Variants in REEP1 observed in about 807,000 individuals in gnomAD.
REEP1 encodes the protein receptor expression-enhancing protein 1.
REEP1 carries 22 observed loss-of-function variants against 40.3 expected under a neutral mutation model. That is an observed-to-expected ratio of 0.55 (90% CI 0.39 to 0.78). REEP1 has a LOEUF of 0.78. Among genes scored for constraint, REEP1 ranks in the 30% least tolerant of loss-of-function variants. REEP1 has a pLI of 0.00. For missense variants in REEP1, 280 were observed against 361.1 expected, an observed-to-expected ratio of 0.78 and a Z score of 1.82; for synonymous variants, 116 against 139.2, an observed-to-expected ratio of 0.83 and a Z score of 1.17.
rs780164134 is a variant in REEP1, at chr2:86,217,018, G to A, written c.*21C>T. ...CAGAGAAGAAACATTCTGTGGATCC[G>A]GTGCTGTTGGCTCATCTCACTCACG... On this transcript the variant is annotated 3_prime_UTR_variant, in exon 9 of 9. Transcript: ENST00000538924. The A allele has an allele frequency of 3.1e-6, 5 of 1,602,062 alleles. No individual in the cohort carries two copies. Among genetic ancestry groups the A allele is most frequent in the African/African-American group, 2.7e-5 (2 of 74,592 alleles).
chr2:86,288,139 C>T (rs1330384972), intron 1 of REEP1, among the ~76,000 whole-genome samples: 1 of 152,014 alleles, frequency 6.6e-6, no homozygotes, highest in Non-Finnish European at 1.5e-5. Flanking sequence ...TCTCCTTCCT[C>T]AACCTCCTGA....
At chr2:86,286,729 C>A (rs1420986889) in intron 1 of REEP1, among the ~76,000 whole-genome samples, 1 of 152,170 alleles carries the variant, frequency 6.6e-6, no homozygotes, top group Non-Finnish European at 1.5e-5. Context: ...AGATTGCTGA[C>A]CTAGGGCATA....
chr2:86,316,807 C>G (rs925235937), intron 1 of REEP1, among the ~76,000 whole-genome samples: 1 of 152,046 alleles, frequency 6.6e-6, no homozygotes, highest in South Asian at 2.1e-4. Flanking sequence ...TGCAGTGGGC[C>G]GAGATCGTGC....
At chr2:86,250,692 G>T (rs1676226119) in intron 5 of REEP1, among the ~76,000 whole-genome samples, 1 of 148,768 alleles carries the variant, frequency 6.7e-6, no homozygotes, top group Non-Finnish European at 1.5e-5. Context: ...AGATGGAGCT[G>T]GTCTTGTCTG....
chr2:86,322,687 C>T (rs1680322933), intron 1 of REEP1, among the ~76,000 whole-genome samples: 1 of 152,104 alleles, frequency 6.6e-6, no homozygotes, highest in Non-Finnish European at 1.5e-5. Context: ...CTTCTGGGCT[C>T]AAGGAATCCA....
At chr2:86,270,271 T>C (rs1384058875) in intron 2 of REEP1, among the ~76,000 whole-genome samples, 2 of 152,122 alleles carry the variant, frequency 1.3e-5, no homozygotes, top group Non-Finnish European at 2.9e-5. Context: ...ATCTCAGTTC[T>C]CCGTAACCTC....
At chr2:86,293,617 C>T (rs930250631) in intron 1 of REEP1, among the ~76,000 whole-genome samples, 13 of 152,156 alleles carry the variant, frequency 8.5e-5, no homozygotes, top group African/African-American at 3.1e-4. Flanking sequence ...AAAATTTAAT[C>T]AGGAAAATCA....
intron 5 of REEP1, among the ~76,000 whole-genome samples, chr2:86,250,217 C>T (rs1251360837): frequency 1.3e-5 from 2 of 152,240 alleles, no homozygotes; most frequent in East Asian, 1.9e-4. Context: ...TCTACATGCA[C>T]GCAGCTGTGC....
At chr2:86,330,721 C>A (rs971548510) in intron 1 of REEP1, among the ~76,000 whole-genome samples, 1 of 152,024 alleles carries the variant, frequency 6.6e-6, no homozygotes, top group African/African-American at 2.4e-5. Context: ...GCTGGGATTA[C>A]ACGGTCAGCC....
At chr2:86,259,407 G>C (rs1205192138) in intron 3 of REEP1, among the ~76,000 whole-genome samples, 6 of 150,410 alleles carry the variant, frequency 4.0e-5, no homozygotes, top group African/African-American at 1.5e-4. Flanking sequence ...ATTTTTTTGA[G>C]ACAGAGTTTC....
chr2:86,253,106 A>AC (rs1301423390), intron 4 of REEP1, among the ~76,000 whole-genome samples: 1 of 151,868 alleles, frequency 6.6e-6, no homozygotes, highest in African/African-American at 2.4e-5. Flanking sequence ...ACATGGTAAA[A>AC]CCCCATCTCC....
intron 7 of REEP1, among the ~76,000 whole-genome samples, chr2:86,222,909 T>C (rs1037447716): frequency 6.6e-6 from 1 of 152,194 alleles, no homozygotes; most frequent in African/African-American, 2.4e-5. Context: ...TCCATGTTCT[T>C]GTCCCTGAAG....
At chr2:86,250,027 G>A (rs117738134) in intron 5 of REEP1, among the ~76,000 whole-genome samples, 1 of 152,314 alleles carries the variant, frequency 6.6e-6, no homozygotes, top group East Asian at 1.9e-4. Flanking sequence ...CAGACTGTCT[G>A]GCGCTTCTTT....
upstream of REEP1, chr2:86,338,002 G>T: frequency 6.5e-7 from 1 of 1,534,344 alleles, no homozygotes; most frequent in Non-Finnish European, 8.7e-7. Context: ...CAGCTAGTGC[G>T]TTAGCCTCAT....
chr2:86,265,485 C>T (rs142730054), intron 2 of REEP1, among the ~76,000 whole-genome samples: 55 of 152,152 alleles, frequency 3.6e-4, no homozygotes, highest in African/African-American at 1.3e-3. Context: ...GAACAACACT[C>T]AACATTCTTC....
chr2:86,257,277 GCT>G (rs1048537381), intron 3 of REEP1, among the ~76,000 whole-genome samples: 1 of 152,058 alleles, frequency 6.6e-6, no homozygotes, highest in Non-Finnish European at 1.5e-5. Flanking sequence ...TCGCACTGCA[GCT>G]CTTTTATTTA....
At chr2:86,240,252 G>A (rs909631083) in intron 5 of REEP1, among the ~76,000 whole-genome samples, 2 of 152,194 alleles carry the variant, frequency 1.3e-5, no homozygotes, top group South Asian at 4.1e-4. Context: ...CACCGCAGAG[G>A]AACAAAGACG....
At chr2:86,262,991 G>A (rs1213374575) in intron 3 of REEP1, among the ~76,000 whole-genome samples, 1 of 152,016 alleles carries the variant, frequency 6.6e-6, no homozygotes, top group African/African-American at 2.4e-5. Context: ...GAAAAATATG[G>A]GTATCAACTT....
chr2:86,256,095 T>A (rs911485864), intron 3 of REEP1, among the ~76,000 whole-genome samples: 2 of 152,104 alleles, frequency 1.3e-5, no homozygotes. Context: ...ATGCCTGTAA[T>A]CCCAGCACTT....
Sources: gnomAD v4.1 joint callset for allele counts (sites outside exome capture counted in the v4.1 genomes callset) on GRCh38, gnomAD v4.1.1 for gene constraint, MANE v1.5 for transcripts, NCBI Gene and HGNC (gene_info 2026-07-23, HGNC 2026-07-21) for gene names.